Variants in POFUT3 observed in about 807,000 individuals in gnomAD.
POFUT3 encodes the protein GDP-fucose protein O-fucosyltransferase 3.
At chr8:33,339,598 G>A in the POFUT3 span, among the ~76,000 whole-genome samples, 167 of 152,172 alleles carry the variant, frequency 1.1e-3, no homozygotes, top group African/African-American at 3.8e-3. Context: ...AAGTTAAACC[G>A]AGAGAAATCC....
At chr8:33,385,508 G>A in the POFUT3 span, among the ~76,000 whole-genome samples, 2 of 152,176 alleles carry the variant, frequency 1.3e-5, no homozygotes, top group Non-Finnish European at 2.9e-5. Flanking sequence ...AGAGGGGCAA[G>A]GCAACCACAG....
At chr8:33,449,569 C>T in the POFUT3 span, among the ~76,000 whole-genome samples, 1 of 152,118 alleles carries the variant, frequency 6.6e-6, no homozygotes, top group African/African-American at 2.4e-5. Context: ...GGATTACAGG[C>T]GTGAGCCGCC....
At chr8:33,414,210 T>A in the POFUT3 span, among the ~76,000 whole-genome samples, 1 of 152,016 alleles carries the variant, frequency 6.6e-6, no homozygotes, top group Non-Finnish European at 1.5e-5. Context: ...GGTTTTGTAA[T>A]CTATTTTTCT....
At chr8:33,320,435 G>A in the POFUT3 span, among the ~76,000 whole-genome samples, 1 of 152,008 alleles carries the variant, frequency 6.6e-6, no homozygotes, top group Non-Finnish European at 1.5e-5. Flanking sequence ...CTTCTGGCAT[G>A]TTAGGATTTA....
the POFUT3 span, chr8:33,436,646 G>T: frequency 1.2e-6 from 1 of 864,140 alleles, no homozygotes; most frequent in South Asian, 1.3e-5. Flanking sequence ...AAGAGTGAGC[G>T]AATCTCCCGC....
the POFUT3 span, among the ~76,000 whole-genome samples, chr8:33,470,236 CAAAAAAAAAAAAAA>C: frequency 9.0e-5 from 8 of 89,070 alleles, no homozygotes; most frequent in South Asian, 1.4e-3. Context: ...CCCATCTCTA[CAAAAAAAAAAAAAA>C]AAAAAAAAAA....
chr8:33,407,941 T>C, the POFUT3 span, among the ~76,000 whole-genome samples: 1 of 137,688 alleles, frequency 7.3e-6, no homozygotes, highest in Non-Finnish European at 1.5e-5. Context: ...GGAGCCGAGA[T>C]GGCACCACTG....
At chr8:33,404,906 A>G in the POFUT3 span, among the ~76,000 whole-genome samples, 8 of 152,282 alleles carry the variant, frequency 5.3e-5, no homozygotes, top group Admixed American at 2.0e-4. Flanking sequence ...CAACAAAAAA[A>G]GAAGCAGAGT....
At chr8:33,345,684 T>A in the POFUT3 span, among the ~76,000 whole-genome samples, 10 of 152,078 alleles carry the variant, frequency 6.6e-5, no homozygotes, top group African/African-American at 2.4e-4. Context: ...TATGGCTTTT[T>A]AAATATGTTT....
the POFUT3 span, among the ~76,000 whole-genome samples, chr8:33,386,059 T>C: frequency 6.6e-6 from 1 of 151,348 alleles, no homozygotes; most frequent in Non-Finnish European, 1.5e-5. Context: ...TGTGGTGGCA[T>C]GCGCTTGTAA....
chr8:33,464,669 T>G, the POFUT3 span, among the ~76,000 whole-genome samples: 9 of 152,060 alleles, frequency 5.9e-5, no homozygotes, highest in Admixed American at 5.2e-4. Context: ...GTAGTCCTAG[T>G]CCTGGGAGGC....
At chr8:33,396,523 C>A in the POFUT3 span, among the ~76,000 whole-genome samples, 2 of 152,196 alleles carry the variant, frequency 1.3e-5, no homozygotes, top group African/African-American at 2.4e-5. Flanking sequence ...TGGTTCTAAC[C>A]CCTTGTTATC....
chr8:33,329,766 T>C, the POFUT3 span, among the ~76,000 whole-genome samples: 2 of 152,220 alleles, frequency 1.3e-5, no homozygotes, highest in Non-Finnish European at 2.9e-5. Flanking sequence ...TCAGTATAAC[T>C]GTGGGATTTT....
the POFUT3 span, among the ~76,000 whole-genome samples, chr8:33,345,676 T>C: frequency 3.3e-5 from 5 of 151,822 alleles, no homozygotes; most frequent in African/African-American, 1.2e-4. Flanking sequence ...GCTGGGATTA[T>C]GGCTTTTTAA....
At chr8:33,385,136 T>C in the POFUT3 span, among the ~76,000 whole-genome samples, 1 of 152,310 alleles carries the variant, frequency 6.6e-6, no homozygotes, top group Admixed American at 6.5e-5. Flanking sequence ...ACCAACCCAT[T>C]GAAGTAGAAC....
At chr8:33,347,460 A>T in the POFUT3 span, among the ~76,000 whole-genome samples, 31 of 152,202 alleles carry the variant, frequency 2.0e-4, no homozygotes, top group Non-Finnish European at 4.0e-4. Flanking sequence ...AGGCATTGGC[A>T]CATGAAAATA....
the POFUT3 span, among the ~76,000 whole-genome samples, chr8:33,374,568 G>A: frequency 6.6e-6 from 1 of 152,140 alleles, no homozygotes; most frequent in Non-Finnish European, 1.5e-5. Context: ...TGACTAAAGA[G>A]AAATATGACT....
At chr8:33,448,411 G>A in the POFUT3 span, among the ~76,000 whole-genome samples, 1 of 152,080 alleles carries the variant, frequency 6.6e-6, no homozygotes, top group African/African-American at 2.4e-5. Context: ...ATTCCAGCCT[G>A]AGCGACAGAG....
the POFUT3 span, among the ~76,000 whole-genome samples, chr8:33,470,490 A>G: frequency 2.0e-5 from 3 of 152,104 alleles, no homozygotes; most frequent in African/African-American, 7.2e-5. Flanking sequence ...AGTAAGAACT[A>G]AGGCAATTCT....
Sources: gnomAD v4.1 joint callset for allele counts (sites outside exome capture counted in the v4.1 genomes callset) on GRCh38, gnomAD v4.1.1 for gene constraint, MANE v1.5 for transcripts, NCBI Gene and HGNC (gene_info 2026-07-23, HGNC 2026-07-21) for gene names.